FSIP2: variants seen among roughly 807,000 people sequenced by gnomAD.
The protein encoded by FSIP2 is fibrous sheath interacting protein 2.
Under a neutral mutation model 510.5 loss-of-function variants are expected in FSIP2, and 367 were observed. The ratio of observed to expected loss-of-function variants is 0.72; its 90% CI spans 0.66 to 0.78. FSIP2 has a LOEUF of 0.78. Among genes scored for constraint, FSIP2 ranks in the 30% least tolerant of loss-of-function variants. FSIP2 has a pLI of 0.00. For missense variants in FSIP2, 7,594 were observed against 7,901.7 expected (o/e 0.96, Z 1.48); for synonymous variants, 2,601 against 2,732.2 (o/e 0.95, Z 1.50).
At chr2:185,768,494 CCAA>C (rs1692541721) in intron 13 of FSIP2, among the ~76,000 whole-genome samples, 1 of 151,980 alleles carries the variant, frequency 6.6e-6, no homozygotes, top group Admixed American at 6.6e-5. Flanking sequence ...TACCGTTTTC[CCAA>C]CAACATTTAT....
In FSIP2 at chr2:185,791,476, T is replaced by A. The variant is rs1477475083; in HGVS notation, c.4340T>A (p.Leu1447His). The A allele has an allele frequency of 6.5e-7, 1 of 1,534,260 alleles. No individual in the cohort carries two copies. The highest frequency in any genetic ancestry group is 2.0e-5 in the Admixed American group (1 of 50,846). The change falls in exon 16 of 23, where the codon CTC becomes CAC. Residue 1447 changes from leucine to histidine, a missense_variant. Coordinates refer to ENST00000424728, the MANE Select transcript of FSIP2 (RefSeq NM_173651.4). ...ACACTACATGAAATGTTAAGCAAGCTCCTGGGGACCCATCTTCATTCTCAG... is the reference window on the plus strand; with the variant it reads ...ACACTACATGAAATGTTAAGCAAGCACCTGGGGACCCATCTTCATTCTCAG... ...GETLHEMLSK[L>H]LGTHLHSQLS...
intron 13 of FSIP2, 126 bp from the exon 14 acceptor site, chr2:185,782,579 G>A: frequency 1.5e-6 from 1 of 656,242 alleles, no homozygotes; most frequent in South Asian, 1.7e-5. Context: ...CTTCACTGTG[G>A]AGAGTCCCTG....
intron 13 of FSIP2, among the ~76,000 whole-genome samples, chr2:185,778,994 C>CA (rs2105589446): frequency 6.6e-6 from 1 of 151,978 alleles, no homozygotes; most frequent in Admixed American, 6.6e-5. Flanking sequence ...ATGCAGTGAC[C>CA]TTTACCATAA....
rs555925117 is a variant in FSIP2, at chr2:185,799,693, T to C, written c.10391-4T>C. ...GCTAAAATTACAATGTTTCCTTTTT[T>C]AAGTTTTTAGTGAGGAAAAGATGTC... is the stretch of plus-strand genomic sequence containing the variant. On this transcript the variant is annotated splice_polypyrimidine_tract_variant and splice_region_variant and intron_variant, in intron 16 of 22. Transcript: ENST00000424728. 322 of 1,237,332 alleles carry C rather than the reference T, an allele frequency of 2.6e-4. No individual in the cohort carries two copies. The highest frequency in any genetic ancestry group is 3.4e-4 in the Non-Finnish European group (314 of 935,466). 76.6% of individuals were successfully genotyped at this position (1,237,332 alleles called of 1,614,324 possible).
intron 19 of FSIP2, among the ~76,000 whole-genome samples, chr2:185,818,744 G>A (rs77487373): frequency 0.079 from 11,934 of 151,692 alleles, 882 homozygotes; most frequent in East Asian, 0.38. Context: ...AAAATGAGGC[G>A]AAATTAAGAC....
Position 185,795,834 on chromosome 2 carries a change from A to G in FSIP2, c.8698A>G (p.Lys2900Glu), listed in dbSNP as rs182740901. The G allele has an allele frequency of 0.019, 28,674 of 1,533,346 alleles. 344 individuals are homozygous for G. The highest frequency in any genetic ancestry group is 0.022 in the Non-Finnish European group (25,741 of 1,145,416). 95.0% of individuals were successfully genotyped at this position (1,533,346 alleles called of 1,614,324 possible). Residue 2900 changes from lysine (K) to glutamate (E), a missense_variant, in exon 16 of 23, where the codon AAA (lysine) becomes GAA (glutamate). Coordinates refer to ENST00000424728, the MANE Select transcript of FSIP2 (RefSeq NM_173651.4). ...NCESRFYNHF[K>E]GASTRAEDTK... is the part of the protein sequence containing the mutation. ...TGAAAGCAGGTTTTATAATCATTTTAAAGGAGCTTCTACTAGAGCCGAGGA... is the reference window on the plus strand; with the variant it reads ...TGAAAGCAGGTTTTATAATCATTTTGAAGGAGCTTCTACTAGAGCCGAGGA...
chr2:185,814,021 G>T lies in FSIP2; in HGVS notation c.20304G>T (p.Trp6768Cys). The T allele has an allele frequency of 6.2e-7, 1 of 1,612,322 alleles. No individual in the cohort carries two copies. The highest frequency in any genetic ancestry group is 8.5e-7 in the Non-Finnish European group (1 of 1,179,172). ...TGCCTGAAACAGCCTCTTCATCTTG[G>T]GAGGAAAAGCCCCAGTGTAAGGTAA... ...KTMPETASSS[W>C]EEKPQCKKEE... Residue 6768 changes from tryptophan to cysteine, a missense_variant, in exon 18 of 23, where the codon TGG (tryptophan) becomes TGT (cysteine). By Grantham distance (215) the Trp-to-Cys change is radical (BLOSUM62 -2). Coordinates refer to ENST00000424728, the MANE Select transcript of FSIP2 (RefSeq NM_173651.4).
intron 7 of FSIP2, among the ~76,000 whole-genome samples, chr2:185,750,626 G>A (rs1313179893): frequency 1.5e-5 from 1 of 68,608 alleles, no homozygotes; most frequent in African/African-American, 4.9e-5. Flanking sequence ...CTATTTTGTT[G>A]ATTTCTGTTC....
intron 9 of FSIP2, among the ~76,000 whole-genome samples, chr2:185,757,217 T>A (rs1692262048): frequency 6.6e-6 from 1 of 151,454 alleles, no homozygotes; most frequent in Admixed American, 6.6e-5. Context: ...AAATCTGGTG[T>A]TTAATGCATC....
chr2:185,755,213 C>T (rs554072060), intron 8 of FSIP2, among the ~76,000 whole-genome samples: 6 of 151,568 alleles, frequency 4.0e-5, no homozygotes, highest in East Asian at 3.9e-4. Context: ...ACATACTTCC[C>T]GCTGTCTTAA....
Position 185,803,839 on chromosome 2 carries a change from A to T in FSIP2, c.14533A>T (p.Ile4845Phe). ...SIISKHEICI[I>F]KYGNKKQSMI... ...AATTTCAAAACATGAAATATGTATTATTAAATATGGGAATAAAAAACAGAG... is the reference window on the plus strand; with the variant it reads ...AATTTCAAAACATGAAATATGTATTTTTAAATATGGGAATAAAAAACAGAG... The change falls in exon 17 of 23, where the codon ATT (isoleucine) becomes TTT (phenylalanine). Residue 4845 changes from isoleucine to phenylalanine, a missense_variant. Transcript: ENST00000424728. The T allele has an allele frequency of 6.6e-7, 1 of 1,507,300 alleles. No homozygotes were observed. The highest frequency in any genetic ancestry group is 8.9e-7 in the Non-Finnish European group (1 of 1,128,760). 93.4% of individuals were successfully genotyped at this position (1,507,300 alleles called of 1,614,324 possible). A position where few individuals can be genotyped will look rare whatever the true frequency, so the allele number is the denominator to read the frequency against.
At chr2:185,766,351 A>G (rs1299326174) in intron 13 of FSIP2, 1 of 150,248 alleles carries the variant, frequency 6.7e-6, no homozygotes, top group Admixed American at 6.7e-5. Context: ...TCTGCACAGC[A>G]AAAGAAACTA....
In FSIP2 at chr2:185,796,741, T is replaced by A. The variant is rs532775781; in HGVS notation, c.9605T>A (p.Val3202Asp). The A allele has an allele frequency of 7.2e-6, 11 of 1,534,820 alleles. No homozygotes were observed. The highest frequency in any genetic ancestry group is 7.9e-6 in the Non-Finnish European group (9 of 1,146,234). Residue 3202 changes from valine (V) to aspartate (D), a missense_variant, in exon 16 of 23, where the codon GTT becomes GAT. Coordinates refer to ENST00000424728, the MANE Select transcript of FSIP2 (RefSeq NM_173651.4). ...GAAGATATGAAAGAAAAGTACAGGG[T>A]TTCATCAGATTTACCCACCTCTGTC... ...SDEDMKEKYR[V>D]SSDLPTSVRS... is the part of the protein sequence containing the mutation.
In FSIP2 at chr2:185,790,188, T is replaced by A. The variant is rs1410298663; in HGVS notation, c.3052T>A (p.Ser1018Thr). 7 of 1,531,324 alleles carry A rather than the reference T, an allele frequency of 4.6e-6. No homozygotes were observed. Among genetic ancestry groups the A allele is most frequent in the Non-Finnish European group, 6.1e-6 (7 of 1,144,848 alleles). The allele number at this position is 1,531,324 out of a possible 1,614,324, so 94.9% of individuals were successfully genotyped here. The part of the protein sequence containing the change: ...IDNIVKNVLD[S>T]TFKDEKVKSQ... ...CAATATTGTAAAAAATGTGCTTGATTCAACTTTCAAAGATGAAAAAGTAAA... is the reference window on the plus strand; with the variant it reads ...CAATATTGTAAAAAATGTGCTTGATACAACTTTCAAAGATGAAAAAGTAAA... The change falls in exon 16 of 23, where the codon TCA becomes ACA. Residue 1018 changes from serine to threonine, a missense_variant. Coordinates refer to ENST00000424728, the MANE Select transcript of FSIP2 (RefSeq NM_173651.4).
intron 19 of FSIP2, among the ~76,000 whole-genome samples, chr2:185,819,976 C>T (rs1216759700): frequency 6.6e-6 from 1 of 151,818 alleles, no homozygotes; most frequent in Non-Finnish European, 1.5e-5. Flanking sequence ...ATAAACAGCT[C>T]TACAATAATA....
intron 14 of FSIP2, among the ~76,000 whole-genome samples, chr2:185,785,495 TAGAA>T (rs1334312126): frequency 1.3e-5 from 2 of 152,024 alleles, no homozygotes; most frequent in African/African-American, 4.8e-5. Flanking sequence ...CTTAAGAAAG[TAGAA>T]AGAAGAAAAG....
chr2:185,793,438 T>C lies in FSIP2; in HGVS notation c.6302T>C (p.Ile2101Thr). ...ACCATTGAAGGTATCCTATGTGATA[T>C]TTATGAAAAAACCCTGTTTCAGAAT... ...QDTIEGILCDIYEKTLFQNNL... is the reference protein window; with the variant it reads ...QDTIEGILCDTYEKTLFQNNL... The change falls in exon 16 of 23, where the codon ATT becomes ACT. Residue 2101 changes from isoleucine to threonine, a missense_variant. Physicochemically the swap from Ile to Thr is moderately conservative, Grantham distance 89. Transcript: ENST00000424728. 1 of 1,534,298 alleles carries C rather than the reference T, an allele frequency of 6.5e-7. No homozygotes were observed. The highest frequency in any genetic ancestry group is 8.7e-7 in the Non-Finnish European group (1 of 1,145,624).
chr2:185,771,737 A>G (rs976507553), intron 13 of FSIP2, among the ~76,000 whole-genome samples: 1 of 152,168 alleles, frequency 6.6e-6, no homozygotes, highest in African/African-American at 2.4e-5. Flanking sequence ...TAGTCATGCT[A>G]ATCTCTCTAG....
Position 185,790,335 on chromosome 2 carries a change from G to A in FSIP2, c.3199G>A (p.Glu1067Lys), listed in dbSNP as rs1195925708. Reference sequence around the variant, plus strand: ...AAGCAAAGCTGCATTTCATGATTGGGAATTAAAGACTGAGCCACCATCTAC... The same window carrying A: ...AAGCAAAGCTGCATTTCATGATTGGAAATTAAAGACTGAGCCACCATCTAC... The part of the protein sequence containing the change: ...SRSKAAFHDW[E>K]LKTEPPSTNH... Residue 1067 changes from glutamate (E) to lysine (K), a missense_variant, in exon 16 of 23, where the codon GAA becomes AAA. Coordinates refer to ENST00000424728, the MANE Select transcript of FSIP2 (RefSeq NM_173651.4). 6.5e-7 allele frequency: 1 copy of A among 1,533,470 alleles called. No homozygotes were observed. Among genetic ancestry groups the A allele is most frequent in the East Asian group, 2.4e-5 (1 of 40,828 alleles). 95.0% of individuals were successfully genotyped at this position (1,533,470 alleles called of 1,614,324 possible). A position where few individuals can be genotyped will look rare whatever the true frequency, so the allele number is the denominator to read the frequency against.
Sources: gnomAD v4.1 joint callset for allele counts (sites outside exome capture counted in the v4.1 genomes callset) on GRCh38, gnomAD v4.1.1 for gene constraint, MANE v1.5 for transcripts, NCBI Gene and HGNC (gene_info 2026-07-23, HGNC 2026-07-21) for gene names.